Variants in DIAPH3 observed in about 807,000 individuals in gnomAD.
The protein encoded by DIAPH3 is diaphanous related formin 3.
In DIAPH3, 117 loss-of-function variants were observed where a neutral mutation model predicts 144.3. The ratio of observed to expected loss-of-function variants is 0.81; its 90% CI spans 0.70 to 0.95. The LOEUF is 0.95. DIAPH3 is among the 40% of genes least tolerant of loss of function. The pLI is 0.00. For synonymous variants in DIAPH3, 519 were observed against 488.9 expected, an observed-to-expected ratio of 1.06 and a Z score of -0.81; for missense variants, 1,421 against 1,412.7, an observed-to-expected ratio of 1.01 and a Z score of -0.09.
Position 59,983,882 on chromosome 13 carries a change from T to C in DIAPH3, c.1367A>G (p.Gln456Arg). The C allele has an allele frequency of 6.3e-7, 1 of 1,596,086 alleles. No individual in the cohort carries two copies. The highest frequency in any genetic ancestry group is 1.3e-5 in the African/African-American group (1 of 74,510). ...LIRNDYFIRQ[Q>R]YFKLIDECVS... ...ACACTCATCAATTAATTTGAAGTAT[T>C]GTTGCCTAAAACCAAAGAAAAGAGT... The change falls in exon 13 of 28, where the codon CAA (glutamine) becomes CGA (arginine). Residue 456 changes from glutamine to arginine, a missense_variant. Coordinates refer to ENST00000400324, the MANE Select transcript of DIAPH3 (RefSeq NM_001042517.2).
chr13:60,101,725 A>G (rs527859295), intron 3 of DIAPH3, among the ~76,000 whole-genome samples: 1 of 152,154 alleles, frequency 6.6e-6, no homozygotes, highest in South Asian at 2.1e-4. Flanking sequence ...GGACCTTTTC[A>G]TTATCTAAAA....
chr13:59,833,857 A>C (rs1208880305), intron 23 of DIAPH3, among the ~76,000 whole-genome samples: 1 of 151,732 alleles, frequency 6.6e-6, no homozygotes, highest in African/African-American at 2.4e-5. Context: ...GTGGGCATTT[A>C]GTAGCACACA....
In DIAPH3 at chr13:59,737,943, C is replaced by T. The variant is rs1386883895; in HGVS notation, c.3319+36246G>A. Among the ~76,000 whole-genome samples the T allele has an allele frequency of 3.9e-5, 6 of 152,120 alleles. 1 individual carries two copies. The South Asian group carries it at 6.2e-4, about 16-fold the overall frequency. ...GCACTTTGGGAGGCCGAGGTGGGTG[C>T]ATCAGTTGAAGTCAGGAGTTCGAGA... On this transcript the variant is annotated intron_variant, in intron 27 of 27. Coordinates refer to ENST00000400324, the MANE Select transcript of DIAPH3 (RefSeq NM_001042517.2).
intron 3 of DIAPH3, among the ~76,000 whole-genome samples, chr13:60,103,459 C>T (rs1406139121): frequency 6.6e-6 from 1 of 152,032 alleles, no homozygotes; most frequent in Non-Finnish European, 1.5e-5. Flanking sequence ...TGAAGATGGT[C>T]AGGTGGAAGG....
intron 27 of DIAPH3, among the ~76,000 whole-genome samples, chr13:59,732,126 T>C (rs993563987): frequency 6.6e-6 from 1 of 152,136 alleles, no homozygotes; most frequent in African/African-American, 2.4e-5. Context: ...TGTTTTCTTA[T>C]TTGTACAAAA....
At chr13:59,694,903 A>G (rs961375567) in intron 27 of DIAPH3, among the ~76,000 whole-genome samples, 1 of 152,156 alleles carries the variant, frequency 6.6e-6, no homozygotes, top group African/African-American at 2.4e-5. Flanking sequence ...CCTGGAGAAC[A>G]AAATCCATCT....
chr13:59,871,206 G>A (rs2044253570), intron 21 of DIAPH3, among the ~76,000 whole-genome samples: 1 of 120,162 alleles, frequency 8.3e-6, no homozygotes, highest in Non-Finnish European at 1.8e-5. Flanking sequence ...GGGGGGGGGG[G>A]TGGCGGGCAT....
At chr13:60,086,838 C>T (rs181567958) in intron 4 of DIAPH3, among the ~76,000 whole-genome samples, 120 of 152,192 alleles carry the variant, frequency 7.9e-4, no homozygotes, top group African/African-American at 2.6e-3. Flanking sequence ...ACTAATATTA[C>T]AATATTAACA....
intron 4 of DIAPH3, among the ~76,000 whole-genome samples, chr13:60,064,623 T>C (rs2056888607): frequency 6.6e-6 from 1 of 152,224 alleles, no homozygotes; most frequent in Non-Finnish European, 1.5e-5. Flanking sequence ...GTAGCTAGTT[T>C]GATCTTCCAT....
At chr13:59,923,016 T>C (rs552201978) in intron 18 of DIAPH3, among the ~76,000 whole-genome samples, 1 of 152,226 alleles carries the variant, frequency 6.6e-6, no homozygotes, top group South Asian at 2.1e-4. Flanking sequence ...GGGGTTGTAG[T>C]GAAGATTAAA....
intron 27 of DIAPH3, among the ~76,000 whole-genome samples, chr13:59,723,547 TCTGTTTTGTCGTACA>T (rs1471622535): frequency 1.3e-5 from 2 of 152,198 alleles, no homozygotes; most frequent in African/African-American, 4.8e-5. Flanking sequence ...CTGGTAAAAG[TCTGTTTTGTCGTACA>T]CTGTCTAAAG....
chr13:59,853,142 C>T (rs563252023), intron 22 of DIAPH3, among the ~76,000 whole-genome samples: 42 of 152,296 alleles, frequency 2.8e-4, no homozygotes, highest in African/African-American at 8.2e-4. Context: ...GGGGTTTCAA[C>T]TCCAGGTGAA....
intron 20 of DIAPH3, among the ~76,000 whole-genome samples, chr13:59,895,661 A>G (rs758525471): frequency 1.9e-4 from 29 of 152,234 alleles, no homozygotes; most frequent in Non-Finnish European, 3.4e-4. Context: ...ATGAAGTTAA[A>G]TAAAACTGTT....
intron 27 of DIAPH3, among the ~76,000 whole-genome samples, chr13:59,716,454 C>T (rs1210986150): frequency 6.6e-6 from 1 of 152,162 alleles, no homozygotes; most frequent in Non-Finnish European, 1.5e-5. Flanking sequence ...GGATTACAGG[C>T]ATGAGCCACC....
chr13:60,106,605 A>T (rs1300466065), intron 3 of DIAPH3, among the ~76,000 whole-genome samples: 1 of 152,134 alleles, frequency 6.6e-6, no homozygotes, highest in Non-Finnish European at 1.5e-5. Flanking sequence ...CTAGGACAAG[A>T]TATTTGCAAC....
chr13:60,131,693 G>A (rs766167958), intron 2 of DIAPH3, among the ~76,000 whole-genome samples: 36 of 152,234 alleles, frequency 2.4e-4, no homozygotes, highest in Middle Eastern at 6.8e-3. Context: ...TAAGGTTGAC[G>A]AAAATGTTCT....
At chr13:60,019,453 T>G (rs2053862156) in intron 5 of DIAPH3, among the ~76,000 whole-genome samples, 1 of 152,180 alleles carries the variant, frequency 6.6e-6, no homozygotes, top group Non-Finnish European at 1.5e-5. Flanking sequence ...TGCTAAATAC[T>G]AAATCTACCT....
intron 4 of DIAPH3, among the ~76,000 whole-genome samples, chr13:60,072,099 C>CCT (rs1307734219): frequency 6.6e-6 from 1 of 152,136 alleles, no homozygotes; most frequent in African/African-American, 2.4e-5. Context: ...CCACATGGGC[C>CCT]CTCTCCCACG....
intron 27 of DIAPH3, among the ~76,000 whole-genome samples, chr13:59,759,027 A>G (rs1258472758): frequency 2.6e-5 from 4 of 151,006 alleles, no homozygotes; most frequent in African/African-American, 9.7e-5. Flanking sequence ...CCTGGGCTCA[A>G]GCTATCCTCC....
Sources: gnomAD v4.1 joint callset for allele counts (sites outside exome capture counted in the v4.1 genomes callset) on GRCh38, gnomAD v4.1.1 for gene constraint, MANE v1.5 for transcripts, NCBI Gene and HGNC (gene_info 2026-07-23, HGNC 2026-07-21) for gene names.